KIRREL3: variants seen among roughly 807,000 people sequenced by gnomAD.
KIRREL3 encodes the protein kirre like nephrin family adhesion molecule 3, also known as kin of IRRE-like protein 3.
KIRREL3 carries 36 observed loss-of-function variants against 89.7 expected under a neutral mutation model. The ratio of observed to expected loss-of-function variants is 0.40; its 90% CI spans 0.31 to 0.53. The LOEUF (loss-of-function observed/expected upper bound fraction) is 0.53. KIRREL3 is among the 20% of genes least tolerant of loss of function. KIRREL3 has a pLI of 0.49. For synonymous variants in KIRREL3, 445 were observed against 441.4 expected, an observed-to-expected ratio of 1.01 and a Z score of -0.10; for missense variants, 864 against 1,056.6, an observed-to-expected ratio of 0.82 and a Z score of 2.53.
At position 126,807,579 on chromosome 11, in the gene KIRREL3, C is replaced by T. The variant is rs907407759; in HGVS notation, c.55+192876G>A. Among the ~76,000 whole-genome samples, 2 of 152,208 alleles carry T rather than the reference C, an allele frequency of 1.3e-5. No homozygotes were observed. Among genetic ancestry groups the T allele is most frequent in the East Asian group, 3.8e-4 (2 of 5,196 alleles). ...CAGGTTTCGTGCATTCATAGACACA[C>T]GGAACCTCATGCAGGTACCCAATTA... On this transcript the variant is annotated intron_variant, in intron 1 of 16. Coordinates refer to ENST00000525144, the MANE Select transcript of KIRREL3 (RefSeq NM_032531.4). This position sits in a 1 kb window ranked among gnomAD's most constrained non-coding sequence, Gnocchi z 4.3.
At chr11:126,657,021 C>T (rs1325875860) in intron 1 of KIRREL3, among the ~76,000 whole-genome samples, 1 of 151,326 alleles carries the variant, frequency 6.6e-6, no homozygotes, top group Admixed American at 6.6e-5. Context: ...CACTGCACTC[C>T]ATCCAGCCTG....
Position 126,563,531 on chromosome 11 carries a change from A to G in KIRREL3, c.56-619T>C, listed in dbSNP as rs1350814597. On this transcript the variant is annotated intron_variant, in intron 1 of 16. Coordinates refer to ENST00000525144, the MANE Select transcript of KIRREL3 (RefSeq NM_032531.4). The surrounding 1 kb of genome is among the most constrained non-coding windows in gnomAD (Gnocchi z 6.8). The stretch of plus-strand genomic sequence containing the variant: ...GTGCTAGAGATTCCTGTGCCTTCCT[A>G]TATCAAGGCCCAATTTAGCACCATC... Among the ~76,000 whole-genome samples the G allele has an allele frequency of 2.6e-5, 4 of 152,110 alleles. No individual in the cohort carries two copies. The highest frequency in any genetic ancestry group is 5.9e-5 in the Non-Finnish European group (4 of 68,016).
intron 1 of KIRREL3, among the ~76,000 whole-genome samples, chr11:126,833,815 T>A (rs1943689261): frequency 6.6e-6 from 1 of 152,196 alleles, no homozygotes; most frequent in Admixed American, 6.5e-5. Flanking sequence ...TTTTTGCAGG[T>A]CTGATTAAGT....
intron 1 of KIRREL3, among the ~76,000 whole-genome samples, chr11:126,583,621 C>T (rs12797864): frequency 0.08 from 12,146 of 152,200 alleles, 574 homozygotes; most frequent in Middle Eastern, 0.11. Context: ...TGTGGGACCC[C>T]GGGCAAGACA....
At chr11:126,753,644 C>G (rs1016868434) in intron 1 of KIRREL3, among the ~76,000 whole-genome samples, 9 of 151,948 alleles carry the variant, frequency 5.9e-5, no homozygotes, top group Middle Eastern at 3.4e-3. Flanking sequence ...ATATTAAGAT[C>G]TAGGGAAGGG....
chr11:126,510,466 TTC>T (rs1479138214), intron 4 of KIRREL3, among the ~76,000 whole-genome samples: 14 of 150,560 alleles, frequency 9.3e-5, no homozygotes, highest in Non-Finnish European at 1.3e-4. Context: ...CCTTCCTTCC[TTC>T]CTTTTTTTTG....
rs757409120 is a variant in KIRREL3 at position 127,000,425 on chromosome 11, C to A, written c.55+30G>T. ...GCGCCCTGACAACCCAGCCGACTTT[C>A]TTCCAACTCCAGCAGCGCAGGGGTC... On this transcript the variant is annotated intron_variant, in intron 1 of 16. Transcript: ENST00000525144. The surrounding 1 kb of genome is among the most constrained non-coding windows in gnomAD (Gnocchi z 7.1). The A allele has an allele frequency of 5.7e-6, 9 of 1,579,658 alleles. No homozygotes were observed. Among genetic ancestry groups the A allele is most frequent in the Non-Finnish European group, 7.7e-6 (9 of 1,163,022 alleles).
rs887882170 is a variant in KIRREL3, at chr11:126,643,996, C to T, written c.56-81084G>A. On this transcript the variant is annotated intron_variant, in intron 1 of 16. Coordinates refer to ENST00000525144, the MANE Select transcript of KIRREL3 (RefSeq NM_032531.4). This position sits in a 1 kb window ranked among gnomAD's most constrained non-coding sequence, Gnocchi z 4.5. ...GAGTTAGGGACCTTGTAGGAAACCACGTGCAGATGCTCAGTCTAGCTGGAA... is the reference window on the plus strand; with the variant it reads ...GAGTTAGGGACCTTGTAGGAAACCATGTGCAGATGCTCAGTCTAGCTGGAA... Among the ~76,000 whole-genome samples, 9 of 152,174 alleles carry T rather than the reference C, an allele frequency of 5.9e-5. No homozygotes were observed. The highest frequency in any genetic ancestry group is 3.8e-4 in the East Asian group (2 of 5,196).
At position 126,640,347 on chromosome 11, in the gene KIRREL3, C is replaced by T. The variant is rs547876742; in HGVS notation, c.56-77435G>A. Among the ~76,000 whole-genome samples the T allele has an allele frequency of 7.2e-4, 109 of 152,200 alleles. No homozygotes were observed. The highest frequency in any genetic ancestry group is 2.5e-3 in the African/African-American group (102 of 41,540). ...TAACTGAACACAACACACACACAGACGCGCGTGTGCGCGCGCACACACACG... is the reference window on the plus strand; with the variant it reads ...TAACTGAACACAACACACACACAGATGCGCGTGTGCGCGCGCACACACACG... On this transcript the variant is annotated intron_variant, in intron 1 of 16. Transcript: ENST00000525144. The surrounding 1 kb of genome is among the most constrained non-coding windows in gnomAD (Gnocchi z 4.9).
Position 126,521,166 on chromosome 11 carries a change from T to G in KIRREL3, c.433+149A>C. 7 of 816,034 alleles carry G rather than the reference T, an allele frequency of 8.6e-6. No homozygotes were observed. The highest frequency in any genetic ancestry group is 3.0e-5 in the East Asian group (1 of 33,394). 50.5% of individuals were successfully genotyped at this position (816,034 alleles called of 1,614,324 possible). A position where few individuals can be genotyped will look rare whatever the true frequency, so the allele number is the denominator to read the frequency against. On this transcript the variant is annotated intron_variant, in intron 4 of 16. Transcript: ENST00000525144. This position sits in a 1 kb window ranked among gnomAD's most constrained non-coding sequence, Gnocchi z 4.1. ...TCCCGTTTGGGTGGGAAGGTGGGCA[T>G]GGATATTGTGGAAGCAGCAGTGTCT...
chr11:126,799,258 G>A (rs1450109035), intron 1 of KIRREL3, among the ~76,000 whole-genome samples: 12 of 143,004 alleles, frequency 8.4e-5, no homozygotes, highest in African/African-American at 2.9e-4. Context: ...GTGTATCTGT[G>A]TGCGTGTGCA....
rs919807822 is a variant in KIRREL3, at chr11:126,676,026, T to C, written c.56-113114A>G. ...TGGATGATGATGTTAACACCAAGAA[T>C]AAGAAATCCAGTAGGAGGGAGAAGT... On this transcript the variant is annotated intron_variant, in intron 1 of 16. Transcript: ENST00000525144. The surrounding 1 kb of genome is among the most constrained non-coding windows in gnomAD (Gnocchi z 4.5). Among the ~76,000 whole-genome samples, 15 of 152,118 alleles carry C rather than the reference T, an allele frequency of 9.9e-5. No homozygotes were observed. Among genetic ancestry groups the C allele is most frequent in the African/African-American group, 3.6e-4 (15 of 41,402 alleles).
rs752382022 is a variant in KIRREL3 at position 126,696,823 on chromosome 11, T to C, written c.56-133911A>G. Among the ~76,000 whole-genome samples, 1 of 152,192 alleles carries C rather than the reference T, an allele frequency of 6.6e-6. No individual in the cohort carries two copies. Among genetic ancestry groups the C allele is most frequent in the Non-Finnish European group, 1.5e-5 (1 of 68,032 alleles). Reference sequence around the variant, plus strand: ...CATACAAAGGGCAGGAGCTAGACTGTGGAATGAGGTTGACTAGCGCTTACA... The same window carrying C: ...CATACAAAGGGCAGGAGCTAGACTGCGGAATGAGGTTGACTAGCGCTTACA... On this transcript the variant is annotated intron_variant, in intron 1 of 16. Coordinates refer to ENST00000525144, the MANE Select transcript of KIRREL3 (RefSeq NM_032531.4). The surrounding 1 kb of genome is among the most constrained non-coding windows in gnomAD (Gnocchi z 4.4).
chr11:126,434,626 T>C (rs1955250152), intron 13 of KIRREL3, among the ~76,000 whole-genome samples: 1 of 152,224 alleles, frequency 6.6e-6, no homozygotes, highest in African/African-American at 2.4e-5. Flanking sequence ...TTGCTGGTCC[T>C]GATTCTCTTT....
Position 126,528,853 on chromosome 11 carries a change from GA to G in KIRREL3, c.134-2167del, listed in dbSNP as rs1415268986. 1.4e-5 allele frequency among the ~76,000 whole-genome samples: 2 copies of G among 143,470 alleles called. No homozygotes were observed. Among genetic ancestry groups the G allele is most frequent in the Non-Finnish European group, 3.0e-5 (2 of 65,776 alleles). 94.1% of individuals were successfully genotyped at this position (143,470 alleles called of 152,430 possible). A position where few individuals can be genotyped will look rare whatever the true frequency, so the allele number is the denominator to read the frequency against. On this transcript the variant is annotated intron_variant, in intron 2 of 16. Transcript: ENST00000525144. This position sits in a 1 kb window ranked among gnomAD's most constrained non-coding sequence, Gnocchi z 4.6. The stretch of plus-strand genomic sequence containing the variant: ...GGGGAGGAGGGTGAGGGGCAGCATG[GA>G]GAGGGAGGGGGTGGGTGGAAAGGAC...
At position 126,614,753 on chromosome 11, in the gene KIRREL3, C is replaced by T. The variant is rs986973300; in HGVS notation, c.56-51841G>A. On this transcript the variant is annotated intron_variant, in intron 1 of 16. Transcript: ENST00000525144. The surrounding 1 kb of genome is among the most constrained non-coding windows in gnomAD (Gnocchi z 4.6). Reference sequence around the variant, plus strand: ...AGGATTGTGATTCTGTGCTGGGGTTCGAGGTGTCTCCGCTGGGAGACTCTG... The same window carrying T: ...AGGATTGTGATTCTGTGCTGGGGTTTGAGGTGTCTCCGCTGGGAGACTCTG... Among the ~76,000 whole-genome samples the T allele has an allele frequency of 2.6e-5, 4 of 152,076 alleles. No homozygotes were observed. The highest frequency in any genetic ancestry group is 9.7e-5 in the African/African-American group (4 of 41,408).
rs1289336165 is a variant in KIRREL3 at position 126,530,567 on chromosome 11, G to A, written c.134-3880C>T. On this transcript the variant is annotated intron_variant, in intron 2 of 16. Coordinates refer to ENST00000525144, the MANE Select transcript of KIRREL3 (RefSeq NM_032531.4). This position sits in a 1 kb window ranked among gnomAD's most constrained non-coding sequence, Gnocchi z 5.8. ...CTGTGAGGCAGGCACTGTGCTGTCT[G>A]GTGAGGAGCAGGGGAACAGGCCTGG... Among the ~76,000 whole-genome samples the A allele has an allele frequency of 6.6e-6, 1 of 152,224 alleles. No homozygotes were observed. Among genetic ancestry groups the A allele is most frequent in the Non-Finnish European group, 1.5e-5 (1 of 68,038 alleles).
At chr11:126,887,350 T>C (rs1194036988) in intron 1 of KIRREL3, among the ~76,000 whole-genome samples, 1 of 152,142 alleles carries the variant, frequency 6.6e-6, no homozygotes, top group Non-Finnish European at 1.5e-5. Flanking sequence ...GGAGGGGAGA[T>C]GCTTTGGGGA....
In KIRREL3 at chr11:126,906,741, C is replaced by T. The variant is rs981378112; in HGVS notation, c.55+93714G>A. ...AGATCCTGAAAGTCTGCACTGCACT[C>T]GGATCCCCAGCACCTCCTCTGTAGC... On this transcript the variant is annotated intron_variant, in intron 1 of 16. Transcript: ENST00000525144. This position sits in a 1 kb window ranked among gnomAD's most constrained non-coding sequence, Gnocchi z 4.1. Among the ~76,000 whole-genome samples the T allele has an allele frequency of 5.9e-5, 9 of 152,182 alleles. No homozygotes were observed. The highest frequency in any genetic ancestry group is 8.8e-5 in the Non-Finnish European group (6 of 68,032).
Sources: gnomAD v4.1 joint callset for allele counts (sites outside exome capture counted in the v4.1 genomes callset) on GRCh38, gnomAD v4.1.1 for gene constraint, Gnocchi (gnomAD v3.1) non-coding constraint, MANE v1.5 for transcripts, NCBI Gene and HGNC (gene_info 2026-07-23, HGNC 2026-07-21) for gene names.